LRRTM4: variants seen among roughly 807,000 people sequenced by gnomAD.
LRRTM4 encodes leucine rich repeat transmembrane neuronal 4.
In LRRTM4, 25 loss-of-function variants were observed where a neutral mutation model predicts 47.6. The observed-to-expected ratio is 0.53, with a 90% CI of 0.38 to 0.73. LRRTM4 has a LOEUF of 0.73. LRRTM4 is among the 30% of genes least tolerant of loss of function. The pLI, the probability that LRRTM4 is intolerant of heterozygous loss-of-function variation, is 0.00. For synonymous variants in LRRTM4, 311 were observed against 269.5 expected (o/e 1.15, Z -1.51); for missense variants, 638 against 713.4 (o/e 0.89, Z 1.20).
chr2:76,993,555 CAT>C (rs1440728792), intron 3 of LRRTM4, among the ~76,000 whole-genome samples: 1 of 151,812 alleles, frequency 6.6e-6, no homozygotes, highest in Non-Finnish European at 1.5e-5. Flanking sequence ...ACCACAGTGA[CAT>C]ATTATCTCAC....
chr2:76,968,340 GTATATATATATATATATATA>G (rs61103340), intron 3 of LRRTM4, among the ~76,000 whole-genome samples: 4,834 of 76,696 alleles, frequency 0.063, 220 homozygotes, highest in Middle Eastern at 0.096. Context: ...GTGTATGTGT[GTATATATATATATATATATA>G]TATATATATA....
rs539093658 is a variant in LRRTM4 at position 77,032,904 on chromosome 2, T to C, written c.1552-283988A>G. ...GGTTTCTTCCTTGCTGGGTTCTAATTGCCTATTACACCATACAACATGGTT... is the reference window on the plus strand; with the variant it reads ...GGTTTCTTCCTTGCTGGGTTCTAATCGCCTATTACACCATACAACATGGTT... On this transcript the variant is annotated intron_variant, in intron 3 of 3. Coordinates refer to ENST00000409884, the MANE Select transcript of LRRTM4 (RefSeq NM_001134745.3). Among the ~76,000 whole-genome samples, 16 of 152,202 alleles carry C rather than the reference T, an allele frequency of 1.1e-4. 1 individual carries two copies. In the South Asian group the frequency reaches 3.3e-3, roughly 32 times the overall value.
At chr2:77,339,675 T>A (rs1449778338) in intron 3 of LRRTM4, among the ~76,000 whole-genome samples, 2 of 152,028 alleles carry the variant, frequency 1.3e-5, no homozygotes, top group Non-Finnish European at 2.9e-5. Context: ...ATTACACTGA[T>A]TCCCTCTCTT....
chr2:77,091,180 C>T (rs533781273), intron 3 of LRRTM4, among the ~76,000 whole-genome samples: 221 of 151,776 alleles, frequency 1.5e-3, no homozygotes, highest in African/African-American at 1.7e-3. Flanking sequence ...TATTCCTGGA[C>T]TACAGCTATA....
chr2:77,314,065 T>C (rs1677549535), intron 3 of LRRTM4, among the ~76,000 whole-genome samples: 1 of 152,180 alleles, frequency 6.6e-6, no homozygotes, highest in South Asian at 2.1e-4. Context: ...AAAGAGGTAA[T>C]TTTTAGAGGA....
At chr2:77,305,441 A>G (rs2104176257) in intron 3 of LRRTM4, among the ~76,000 whole-genome samples, 1 of 152,230 alleles carries the variant, frequency 6.6e-6, no homozygotes, top group Middle Eastern at 3.4e-3. Flanking sequence ...AGTTGATTAT[A>G]CAAAAACAAT....
chr2:77,226,948 G>A (rs1159358266), intron 3 of LRRTM4, among the ~76,000 whole-genome samples: 1 of 151,904 alleles, frequency 6.6e-6, no homozygotes, highest in Non-Finnish European at 1.5e-5. Context: ...CTCTCTCTGT[G>A]CTCCAGGTTA....
At position 77,331,220 on chromosome 2, in the gene LRRTM4, T is replaced by C. The variant is rs180685111; in HGVS notation, c.1551+187098A>G. On this transcript the variant is annotated intron_variant, in intron 3 of 3. Coordinates refer to ENST00000409884, the MANE Select transcript of LRRTM4 (RefSeq NM_001134745.3). The stretch of plus-strand genomic sequence containing the variant: ...ATTTTTCTTCATGTTAGCATTATTC[T>C]TTCTTATGACAGATGTATATTCTTT... Among the ~76,000 whole-genome samples, 219 of 152,324 alleles carry C rather than the reference T, an allele frequency of 1.4e-3. 1 individual carries two copies. Among genetic ancestry groups the C allele is most frequent in the African/African-American group, 5.1e-3 (213 of 41,566 alleles).
chr2:77,087,472 A>G (rs1680755943), intron 3 of LRRTM4, among the ~76,000 whole-genome samples: 1 of 152,250 alleles, frequency 6.6e-6, no homozygotes, highest in Non-Finnish European at 1.5e-5. Flanking sequence ...CCAGGTTGGT[A>G]GTAACCCAGA....
At chr2:77,323,344 C>T (rs1670619084) in intron 3 of LRRTM4, among the ~76,000 whole-genome samples, 1 of 152,112 alleles carries the variant, frequency 6.6e-6, no homozygotes. Flanking sequence ...GGGATCTAGC[C>T]TTTGCATTAA....
intron 3 of LRRTM4, among the ~76,000 whole-genome samples, chr2:77,029,707 A>T (rs149027576): frequency 6.6e-6 from 1 of 152,220 alleles, no homozygotes; most frequent in South Asian, 2.1e-4. Context: ...TGGTGATGCG[A>T]ATTTCTGAAG....
chr2:77,026,229 AG>A (rs1215287456), intron 3 of LRRTM4, among the ~76,000 whole-genome samples: 1 of 152,140 alleles, frequency 6.6e-6, no homozygotes, highest in African/African-American at 2.4e-5. Flanking sequence ...TTTATGTTGC[AG>A]GGGCCATTTG....
intron 3 of LRRTM4, among the ~76,000 whole-genome samples, chr2:77,345,852 A>T (rs1338855567): frequency 6.6e-6 from 1 of 151,820 alleles, no homozygotes; most frequent in Non-Finnish European, 1.5e-5. Flanking sequence ...ATATATATAT[A>T]CACAGACACA....
At chr2:77,178,308 C>T (rs1048746006) in intron 3 of LRRTM4, among the ~76,000 whole-genome samples, 2 of 152,062 alleles carry the variant, frequency 1.3e-5, no homozygotes, top group Non-Finnish European at 2.9e-5. Context: ...TTTATTTCTG[C>T]TGGGCGCGGT....
chr2:77,377,712 T>A (rs1415239864), intron 3 of LRRTM4, among the ~76,000 whole-genome samples: 3 of 152,052 alleles, frequency 2.0e-5, no homozygotes, highest in Non-Finnish European at 2.9e-5. Flanking sequence ...AAAATCCTTT[T>A]CTGAATCTCT....
intron 3 of LRRTM4, among the ~76,000 whole-genome samples, chr2:77,329,436 A>G (rs1484455908): frequency 6.6e-6 from 1 of 152,212 alleles, no homozygotes; most frequent in Non-Finnish European, 1.5e-5. Flanking sequence ...CACGTTGGAA[A>G]CAAAATCTTA....
intron 3 of LRRTM4, among the ~76,000 whole-genome samples, chr2:76,868,212 A>C (rs1395488754): frequency 1.3e-5 from 2 of 152,350 alleles, no homozygotes; most frequent in Non-Finnish European, 2.9e-5. Flanking sequence ...ATTTCCATCC[A>C]AAAATCTCAA....
At chr2:77,086,645 C>A (rs985901557) in intron 3 of LRRTM4, among the ~76,000 whole-genome samples, 1 of 151,130 alleles carries the variant, frequency 6.6e-6, no homozygotes, top group Non-Finnish European at 1.5e-5. Context: ...GCCTGACTTT[C>A]GTTTGTTTGT....
At chr2:76,772,377 C>T (rs1673750799) in intron 3 of LRRTM4, among the ~76,000 whole-genome samples, 1 of 151,720 alleles carries the variant, frequency 6.6e-6, no homozygotes. Flanking sequence ...CCTGAACAGA[C>T]TAAGAAAAAT....
Sources: allele counts gnomAD v4.1 joint callset (sites outside exome capture counted in the v4.1 genomes callset), GRCh38; gene constraint gnomAD v4.1.1; transcripts MANE v1.5; gene names NCBI Gene and HGNC (gene_info 2026-07-23, HGNC 2026-07-21).